Variants in KIAA1586 observed in about 807,000 individuals in gnomAD.
KIAA1586 encodes KIAA1586.
A neutral mutation model predicts 6.1 loss-of-function variants in KIAA1586; 5 were observed. The ratio of observed to expected loss-of-function variants is 0.82; its 90% confidence interval spans 0.43 to 1.73. The LOEUF is 1.73. Ranked by LOEUF, KIAA1586 falls within the 40% of genes most tolerant of loss-of-function variation. The pLI is 0.02. For missense variants in KIAA1586, 899 were observed against 878.2 expected (o/e 1.02, Z -0.30); for synonymous variants, 280 against 301.7 (o/e 0.93, Z 0.75).
rs1385148906 is a variant in KIAA1586, at chr6:57,053,519, A to G, written c.1020A>G (p.Ser340=). 1 of 1,613,646 alleles carries G rather than the reference A, an allele frequency of 6.2e-7. No homozygotes were observed. Among genetic ancestry groups the G allele is most frequent in the South Asian group, 1.1e-5 (1 of 91,072 alleles). ...TTTATCTCCAGTGCACAATTCAGTCAGCTCCTGCACCTGTTATGTTATTTG... is the reference window on the plus strand; with the variant it reads ...TTTATCTCCAGTGCACAATTCAGTCGGCTCCTGCACCTGTTATGTTATTTG... ...LVIYLQCTIQ[S]APAPVMLFVA... Residue 340 remains serine (S), a synonymous_variant, in exon 4 of 4, where the codon TCA becomes TCG. Transcript: ENST00000370733.
Position 57,054,178 on chromosome 6 carries a change from C to G in KIAA1586, c.1679C>G (p.Thr560Ser). 6.3e-7 allele frequency: 1 copy of G among 1,587,850 alleles called. No homozygotes were observed. The highest frequency in any genetic ancestry group is 8.5e-7 in the Non-Finnish European group (1 of 1,170,638). The change falls in exon 4 of 4, where the codon ACC becomes AGC. Residue 560 changes from threonine (T) to serine (S), a missense_variant. Coordinates refer to ENST00000370733, the MANE Select transcript of KIAA1586 (RefSeq NM_020931.4). ...AAAGCACAAAAATTGATCAAACGTA[C>G]CATAAGAGCTTTGGAAAATTTAAAA... is the stretch of plus-strand genomic sequence containing the variant. ...IKKAQKLIKR[T>S]IRALENLKIG... is the part of the protein sequence containing the mutation.
intron 3 of KIAA1586, among the ~76,000 whole-genome samples, chr6:57,052,152 G>A (rs1181103962): frequency 1.3e-5 from 2 of 151,974 alleles, no homozygotes; most frequent in African/African-American, 4.8e-5. Flanking sequence ...ATATACTGTG[G>A]GTTCCACATC....
chr6:57,054,507 G>A lies in KIAA1586; in HGVS notation c.2008G>A (p.Asp670Asn). ...TTTAAAATATGAAGTTGATTTGAAT[G>A]ATTTTCGGGAATTTGTAAATAATAA... Reference protein sequence around the residue: ...KILKYEVDLNDFREFVNNNIK... With the variant: ...KILKYEVDLNNFREFVNNNIK... Residue 670 changes from aspartate (D) to asparagine (N), a missense_variant, in exon 4 of 4, where the codon GAT (aspartate) becomes AAT (asparagine). By Grantham distance (23) the Asp-to-Asn change is conservative (BLOSUM62 1). Coordinates refer to ENST00000370733, the MANE Select transcript of KIAA1586 (RefSeq NM_020931.4). The A allele has an allele frequency of 6.3e-7, 1 of 1,593,218 alleles. No homozygotes were observed.
intron 2 of KIAA1586, among the ~76,000 whole-genome samples, chr6:57,050,531 A>G (rs2127907533): frequency 6.7e-6 from 1 of 148,212 alleles, no homozygotes; most frequent in South Asian, 2.2e-4. Flanking sequence ...GCCCAGGCTG[A>G]TCTTGAACTT....
intron 2 of KIAA1586, among the ~76,000 whole-genome samples, chr6:57,050,046 G>A (rs1384757486): frequency 1.3e-5 from 2 of 151,580 alleles, no homozygotes; most frequent in East Asian, 3.9e-4. Flanking sequence ...TTTTCACTAT[G>A]TTGCCCAGGC....
chr6:57,053,455 A>T lies in KIAA1586; in HGVS notation c.956A>T (p.Asp319Val). ...EENAKICIII[D>V]EASTVSKKTT... is the part of the protein sequence containing the mutation. ...AATGCCAAAATCTGTATCATAATTG[A>T]TGAGGCATCTACAGTTTCAAAGAAA... The change falls in exon 4 of 4, where the codon GAT becomes GTT. Residue 319 changes from aspartate to valine, a missense_variant. Physicochemically the swap from Asp to Val is radical, Grantham distance 152 (BLOSUM62 -3). Coordinates refer to ENST00000370733, the MANE Select transcript of KIAA1586 (RefSeq NM_020931.4). The T allele has an allele frequency of 1.2e-6, 2 of 1,612,186 alleles. No individual in the cohort carries two copies. Among genetic ancestry groups the T allele is most frequent in the East Asian group, 4.5e-5 (2 of 44,832 alleles).
chr6:57,066,844 G>A, the KIAA1586 span, among the ~76,000 whole-genome samples: 1 of 151,978 alleles, frequency 6.6e-6, no homozygotes, highest in Non-Finnish European at 1.5e-5. Flanking sequence ...GGTTCCCTGG[G>A]GCAGACTGGT....
rs754194094 is a variant in KIAA1586 at position 57,054,660 on chromosome 6, G to A, written c.2161G>A (p.Val721Met). 2 of 1,562,536 alleles carry A rather than the reference G, an allele frequency of 1.3e-6. No homozygotes were observed. The highest frequency in any genetic ancestry group is 1.9e-5 in the Admixed American group (1 of 52,792). ...FNLMNIICTR[V>M]RNSLTIDHVS... ...TTTAATGAACATAATTTGTACAAGG[G>A]TGAGAAATAGTTTAACAATAGATCA... Residue 721 changes from valine to methionine, a missense_variant, in exon 4 of 4, where the codon GTG becomes ATG. Val to Met is a conservative substitution (Grantham distance 21). Coordinates refer to ENST00000370733, the MANE Select transcript of KIAA1586 (RefSeq NM_020931.4).
chr6:57,066,084 C>G, the KIAA1586 span, among the ~76,000 whole-genome samples: 1 of 151,130 alleles, frequency 6.6e-6, no homozygotes, highest in African/African-American at 2.4e-5. Flanking sequence ...CAATACCAGC[C>G]TGGCCAACAT....
chr6:57,059,398 C>G (rs1464673728), downstream of KIAA1586, among the ~76,000 whole-genome samples: 1 of 151,942 alleles, frequency 6.6e-6, no homozygotes, highest in Non-Finnish European at 1.5e-5. Context: ...TGAGACCATC[C>G]TGGCTAACAC....
chr6:57,051,076 C>CA (rs1396827003), intron 3 of KIAA1586, among the ~76,000 whole-genome samples: 5 of 151,058 alleles, frequency 3.3e-5, no homozygotes, highest in African/African-American at 1.2e-4. Context: ...ACTAAAAATA[C>CA]AAAAAATTAG....
In KIAA1586 at chr6:57,054,139, C is replaced by A; in HGVS notation, c.1640C>A (p.Ser547Ter). The A allele has an allele frequency of 1.3e-6, 2 of 1,593,194 alleles. No individual in the cohort carries two copies. The highest frequency in any genetic ancestry group is 1.1e-5 in the South Asian group (1 of 88,098). ...CTTTCAACTGCATTACAGTCAAGAT[C>A]AACTAATATTAAGAAAGCACAAAAA... Reference protein sequence around the residue: ...SVLSTALQSRSTNIKKAQKLI... With the variant: ...SVLSTALQSR The change falls in exon 4 of 4, where the codon TCA becomes TAA. Residue 547 changes from serine (S) to a stop codon, truncating the protein, a stop_gained. Transcript: ENST00000370733. LOFTEE classifies it low-confidence loss of function (END_TRUNC).
chr6:57,049,480 G>T (rs957858189), intron 2 of KIAA1586, among the ~76,000 whole-genome samples: 4 of 152,092 alleles, frequency 2.6e-5, no homozygotes, highest in Admixed American at 1.3e-4. Flanking sequence ...ATTCTGCGTT[G>T]TGGCACAGAA....
chr6:57,057,689 G>C (rs959014810), downstream of KIAA1586, among the ~76,000 whole-genome samples: 9 of 152,078 alleles, frequency 5.9e-5, no homozygotes, highest in African/African-American at 2.2e-4. Flanking sequence ...GGGAGGCAGA[G>C]GTTTCTGAGC....
the KIAA1586 span, among the ~76,000 whole-genome samples, chr6:57,062,434 T>A: frequency 2.0e-5 from 3 of 152,212 alleles, no homozygotes; most frequent in African/African-American, 4.8e-5. Flanking sequence ...TTTAGGATTA[T>A]TATCACGTGG....
intron 2 of KIAA1586, among the ~76,000 whole-genome samples, chr6:57,048,814 C>T (rs780616823): frequency 1.3e-5 from 2 of 152,006 alleles, no homozygotes; most frequent in Non-Finnish European, 1.5e-5. Flanking sequence ...AAGTGACATA[C>T]GTCTGATTCA....
chr6:57,063,817 CT>C, the KIAA1586 span, among the ~76,000 whole-genome samples: 2 of 152,036 alleles, frequency 1.3e-5, no homozygotes, highest in African/African-American at 4.8e-5. Context: ...GCGAAAACAC[CT>C]AGTAGATACA....
chr6:57,054,324 A>C lies in KIAA1586; in HGVS notation c.1825A>C (p.Asn609His), dbSNP rs149774603. Residue 609 changes from asparagine to histidine, a missense_variant, in exon 4 of 4, where the codon AAT becomes CAT. By Grantham distance (68) the Asn-to-His change is moderately conservative. Transcript: ENST00000370733. ...TCTTCCTAGGAGTATATTACTAGAC[A>C]ATATAATTCAGCACATGAACCTACG... ...NALPRSILLD[N>H]IIQHMNLRLL... 25 of 1,588,682 alleles carry C rather than the reference A, an allele frequency of 1.6e-5. No individual in the cohort carries two copies. The African/African-American group carries it at 3.4e-4, about 22-fold the overall frequency.
At chr6:57,063,087 A>G in the KIAA1586 span, among the ~76,000 whole-genome samples, 13 of 152,180 alleles carry the variant, frequency 8.5e-5, no homozygotes, top group Non-Finnish European at 1.6e-4. Flanking sequence ...TAACAAAAAT[A>G]TATAAATGTG....
Sources: gnomAD v4.1 joint callset for allele counts (sites outside exome capture counted in the v4.1 genomes callset) on GRCh38, gnomAD v4.1.1 for gene constraint, MANE v1.5 for transcripts, NCBI Gene and HGNC (gene_info 2026-07-23, HGNC 2026-07-21) for gene names.